The following SNX18 variants were observed in gnomAD, a reference collection of about 807,000 sequenced individuals.
The protein encoded by SNX18 is sorting nexin-18.
In SNX18, 35 loss-of-function variants were observed where a neutral mutation model predicts 48.7. The ratio of observed to expected loss-of-function variants is 0.72; its 90% CI spans 0.55 to 0.95. The LOEUF (loss-of-function observed/expected upper bound fraction) is 0.95, where lower values mean the gene tolerates loss of function less well. Among genes scored for constraint, SNX18 ranks in the 40% least tolerant of loss-of-function variants. SNX18 has a pLI of 0.00. For missense variants in SNX18, 824 were observed against 871.0 expected (o/e 0.95, Z 0.68); for synonymous variants, 492 against 384.7 (o/e 1.28, Z -3.26).
chr5:54,623,590 C>G, the SNX18 span, among the ~76,000 whole-genome samples: 1 of 151,996 alleles, frequency 6.6e-6, no homozygotes, highest in African/African-American at 2.4e-5. Context: ...CAAGAACTTA[C>G]CAGAGGAGTG....
the SNX18 span, among the ~76,000 whole-genome samples, chr5:54,589,968 C>G: frequency 6.6e-5 from 10 of 152,274 alleles, no homozygotes; most frequent in African/African-American, 1.9e-4. Flanking sequence ...TTTTAAAATT[C>G]TTTGTGGAGA....
chr5:54,581,030 T>C, the SNX18 span, among the ~76,000 whole-genome samples: 1 of 151,980 alleles, frequency 6.6e-6, no homozygotes, highest in Non-Finnish European at 1.5e-5. Context: ...AGCATTGGCA[T>C]TAGAAGAGCA....
intron 1 of SNX18, among the ~76,000 whole-genome samples, chr5:54,534,814 T>C (rs1433219432): frequency 6.6e-6 from 1 of 152,174 alleles, no homozygotes; most frequent in Non-Finnish European, 1.5e-5. Context: ...AGTGTGCTGG[T>C]TGAGTTTCAG....
At chr5:54,610,160 C>T in the SNX18 span, among the ~76,000 whole-genome samples, 21 of 152,234 alleles carry the variant, frequency 1.4e-4, no homozygotes, top group African/African-American at 5.1e-4. Flanking sequence ...TTATAAATTA[C>T]CCAGTCTCAG....
At chr5:54,595,609 G>A in the SNX18 span, among the ~76,000 whole-genome samples, 2 of 152,170 alleles carry the variant, frequency 1.3e-5, no homozygotes, top group African/African-American at 2.4e-5. Context: ...CACTGACAGT[G>A]TATAACATTC....
the SNX18 span, among the ~76,000 whole-genome samples, chr5:54,620,208 G>A: frequency 6.6e-5 from 10 of 152,028 alleles, no homozygotes; most frequent in Non-Finnish European, 4.4e-5. Flanking sequence ...GACTCCTTGT[G>A]GAGCTGTGGA....
the SNX18 span, among the ~76,000 whole-genome samples, chr5:54,587,553 C>G: frequency 2.0e-5 from 3 of 152,164 alleles, no homozygotes; most frequent in African/African-American, 4.8e-5. Flanking sequence ...TGTCCTTTCT[C>G]TCCGTGGTGC....
the SNX18 span, among the ~76,000 whole-genome samples, chr5:54,589,133 A>G: frequency 6.6e-6 from 1 of 152,198 alleles, no homozygotes; most frequent in South Asian, 2.1e-4. Flanking sequence ...TTGCACATAT[A>G]CATTGACACC....
the SNX18 span, among the ~76,000 whole-genome samples, chr5:54,568,956 C>T: frequency 1.3e-5 from 2 of 150,490 alleles, no homozygotes; most frequent in Non-Finnish European, 3.0e-5. Context: ...CATTCTCCTA[C>T]CTCAGCTTCC....
At chr5:54,629,246 A>ACC in the SNX18 span, among the ~76,000 whole-genome samples, 1 of 152,200 alleles carries the variant, frequency 6.6e-6, no homozygotes, top group African/African-American at 2.4e-5. Context: ...GATCACAGCT[A>ACC]TTAGTGGACT....
At chr5:54,617,692 C>G in the SNX18 span, among the ~76,000 whole-genome samples, 1 of 152,098 alleles carries the variant, frequency 6.6e-6, no homozygotes, top group African/African-American at 2.4e-5. Context: ...GTTCATGTCT[C>G]TGTTGATGAA....
chr5:54,574,865 G>A, the SNX18 span, among the ~76,000 whole-genome samples: 1 of 152,156 alleles, frequency 6.6e-6, no homozygotes, highest in Non-Finnish European at 1.5e-5. Context: ...AGGTTAGTCT[G>A]ATACCAGATG....
chr5:54,537,636 T>G (rs1762382163), intron 1 of SNX18, among the ~76,000 whole-genome samples: 1 of 152,068 alleles, frequency 6.6e-6, no homozygotes, highest in Admixed American at 6.6e-5. Flanking sequence ...TCTTCTGTTT[T>G]GAAAGCAGAG....
the SNX18 span, among the ~76,000 whole-genome samples, chr5:54,575,178 C>T: frequency 0.057 from 8,626 of 151,972 alleles, 292 homozygotes; most frequent in Non-Finnish European, 0.082. Flanking sequence ...GGAGTCCTGA[C>T]GTATCTTGGG....
At position 54,519,176 on chromosome 5, in the gene SNX18, C is replaced by T; in HGVS notation, c.1224C>T (p.Phe408=). The change falls in exon 1 of 2, where the codon TTC becomes TTT. Residue 408 remains phenylalanine (F), a synonymous_variant. Transcript: ENST00000381410. ...EKDEMVGANF[F]LTLSTPPAAA... ...ACGAGATGGTGGGCGCCAACTTCTTCCTGACCCTTAGCACGCCCCCCGCCG... is the reference window on the plus strand; with the variant it reads ...ACGAGATGGTGGGCGCCAACTTCTTTCTGACCCTTAGCACGCCCCCCGCCG... 2 of 1,613,770 alleles carry T rather than the reference C, an allele frequency of 1.2e-6. No homozygotes were observed. The highest frequency in any genetic ancestry group is 1.1e-5 in the South Asian group (1 of 91,030).
At chr5:54,622,129 A>C in the SNX18 span, among the ~76,000 whole-genome samples, 1 of 152,256 alleles carries the variant, frequency 6.6e-6, no homozygotes, top group South Asian at 2.1e-4. Context: ...ATTTGTGAGA[A>C]TATTTTGCTA....
the SNX18 span, among the ~76,000 whole-genome samples, chr5:54,578,413 C>A: frequency 1.3e-5 from 2 of 152,220 alleles, no homozygotes; most frequent in Non-Finnish European, 2.9e-5. Context: ...AACACACCTG[C>A]CCCTCACAGC....
chr5:54,550,084 C>G (rs1002021433), downstream of SNX18, among the ~76,000 whole-genome samples: 2 of 152,214 alleles, frequency 1.3e-5, no homozygotes, highest in African/African-American at 4.8e-5. Flanking sequence ...GGTGTTTGTT[C>G]AGAATCTGTA....
At chr5:54,561,132 T>G in the SNX18 span, among the ~76,000 whole-genome samples, 1 of 152,176 alleles carries the variant, frequency 6.6e-6, no homozygotes. Context: ...CACCTCTGCC[T>G]CCTGGGTTTA....
Sources: allele counts gnomAD v4.1 joint callset (sites outside exome capture counted in the v4.1 genomes callset), GRCh38; gene constraint gnomAD v4.1.1; transcripts MANE v1.5; gene names NCBI Gene and HGNC (gene_info 2026-07-23, HGNC 2026-07-21).